NINL: variants seen among roughly 807,000 people sequenced by gnomAD.
NINL encodes ninein like.
A neutral mutation model predicts 160.3 loss-of-function variants in NINL; 153 were observed. That is an observed-to-expected ratio of 0.95 (90% CI 0.84 to 1.09). The LOEUF is 1.09. Among genes scored for constraint, NINL ranks in the 50% least tolerant of loss-of-function variants. The pLI is 0.00. For synonymous variants in NINL, 800 were observed against 734.8 expected, an observed-to-expected ratio of 1.09 and a Z score of -1.43; for missense variants, 1,829 against 1,764.0, an observed-to-expected ratio of 1.04 and a Z score of -0.66.
chr20:25,456,584 C>T (rs1057006651), intron 22 of NINL, among the ~76,000 whole-genome samples: 2 of 151,372 alleles, frequency 1.3e-5, no homozygotes, highest in African/African-American at 4.9e-5. Context: ...AAAAAGGTTA[C>T]AGGCAATATT....
chr20:25,569,292 C>A (rs371366004), intron 1 of NINL, among the ~76,000 whole-genome samples: 27 of 150,860 alleles, frequency 1.8e-4, no homozygotes, highest in African/African-American at 5.6e-4. Flanking sequence ...TAGAAAGATA[C>A]AACAGGAAAA....
intron 17 of NINL, among the ~76,000 whole-genome samples, chr20:25,474,975 G>T (rs62211494): frequency 0.22 from 33,973 of 151,808 alleles, 4,825 homozygotes; most frequent in Non-Finnish European, 0.31. Context: ...TAGAGATGGG[G>T]TTTCACCACG....
At chr20:25,520,806 C>T (rs2064250421) in intron 2 of NINL, among the ~76,000 whole-genome samples, 1 of 152,170 alleles carries the variant, frequency 6.6e-6, no homozygotes, top group Non-Finnish European at 1.5e-5. Context: ...CTCTAGCTTC[C>T]CTTTTAAAAT....
At chr20:25,524,222 G>C (rs994964065) in intron 2 of NINL, among the ~76,000 whole-genome samples, 4 of 152,224 alleles carry the variant, frequency 2.6e-5, no homozygotes. Flanking sequence ...CGAGGAGACA[G>C]GATGAAGGGA....
In NINL at chr20:25,550,935, A is replaced by AAGGTCTTTCCTTTCCCAC. The variant is rs1438182268; in HGVS notation, c.-11-24355_-11-24338dup. On this transcript the variant is annotated intron_variant, in intron 1 of 23. Coordinates refer to ENST00000278886, the MANE Select transcript of NINL (RefSeq NM_025176.6). Reference sequence around the variant, plus strand: ...TACAGGTGTCGGGCTGGGGGACGGTAAGGTCTTTCCTTTCCCACGAGGCCA... The same window carrying AAGGTCTTTCCTTTCCCAC: ...TACAGGTGTCGGGCTGGGGGACGGTAAGGTCTTTCCTTTCCCACAGGTCTTTCCTTTCCCACGAGGCCA... Among the ~76,000 whole-genome samples, 14 of 152,224 alleles carry AAGGTCTTTCCTTTCCCAC rather than the reference A, an allele frequency of 9.2e-5. 1 individual carries two copies. In the South Asian group the frequency reaches 2.9e-3, roughly 32 times the overall value.
chr20:25,549,061 C>T lies in NINL; in HGVS notation c.-11-22463G>A, dbSNP rs56224929. On this transcript the variant is annotated intron_variant, in intron 1 of 23. Transcript: ENST00000278886. ...ACACCCAGCCTCACCCAGGCCTGAC[C>T]CCGGCACCCACGGCCACACCTCCCA... Among the ~76,000 whole-genome samples, 1,269 of 134,262 alleles carry T rather than the reference C, an allele frequency of 9.5e-3. 10 individuals carry two copies. The highest frequency in any genetic ancestry group is 0.037 in the African/African-American group (1,173 of 31,448). 88.1% of individuals were successfully genotyped at this position (134,262 alleles called of 152,430 possible). A position where few individuals can be genotyped will look rare whatever the true frequency, so the allele number is the denominator to read the frequency against.
chr20:25,548,693 G>T (rs932384702), intron 1 of NINL, among the ~76,000 whole-genome samples: 7 of 143,032 alleles, frequency 4.9e-5, no homozygotes, highest in African/African-American at 1.6e-4. Context: ...CCCACACCCA[G>T]CCCCACCCGG....
At chr20:25,550,309 G>A (rs1428130275) in intron 1 of NINL, among the ~76,000 whole-genome samples, 1 of 152,242 alleles carries the variant, frequency 6.6e-6, no homozygotes, top group Non-Finnish European at 1.5e-5. Flanking sequence ...GAGAGGTTAA[G>A]GCTGTGGTGA....
At chr20:25,521,647 A>G (rs2064265775) in intron 2 of NINL, among the ~76,000 whole-genome samples, 1 of 152,230 alleles carries the variant, frequency 6.6e-6, no homozygotes, top group Non-Finnish European at 1.5e-5. Flanking sequence ...ACTGAGGGAT[A>G]TAAGACCAGA....
intron 15 of NINL, among the ~76,000 whole-genome samples, chr20:25,479,768 G>A: frequency 6.6e-6 from 1 of 152,204 alleles, no homozygotes. Context: ...TTCATCCAGG[G>A]TGGCCCTGGC....
chr20:25,476,803 G>T lies in NINL; in HGVS notation c.2488C>A (p.Pro830Thr), dbSNP rs374713970. 13 of 1,612,750 alleles carry T rather than the reference G, an allele frequency of 8.1e-6. No individual in the cohort carries two copies. The African/African-American group carries it at 1.6e-4, about 20-fold the overall frequency. ...CTTCCTGCCACCAGCCCATCTTTCGGCAGGGCCTGCATCTCTGCTTCCAGG... is the reference window on the plus strand; with the variant it reads ...CTTCCTGCCACCAGCCCATCTTTCGTCAGGGCCTGCATCTCTGCTTCCAGG... ...PSLEAEMQALPKDGLVAGSGQ... is the reference protein window; with the variant it reads ...PSLEAEMQALTKDGLVAGSGQ... Residue 830 changes from proline to threonine, a missense_variant, in exon 17 of 24, where the codon CCG (proline) becomes ACG (threonine). By Grantham distance (38) the Pro-to-Thr change is conservative. Transcript: ENST00000278886.
Position 25,477,034 on chromosome 20 carries a change from C to T in NINL, c.2257G>A (p.Ala753Thr), listed in dbSNP as rs377283535. 38 of 1,599,118 alleles carry T rather than the reference C, an allele frequency of 2.4e-5. No homozygotes were observed. Among genetic ancestry groups the T allele is most frequent in the Admixed American group, 1.3e-4 (8 of 59,942 alleles). The change falls in exon 17 of 24, where the codon GCT becomes ACT. Residue 753 changes from alanine to threonine, a missense_variant. Physicochemically the swap from Ala to Thr is moderately conservative, Grantham distance 58. Coordinates refer to ENST00000278886, the MANE Select transcript of NINL (RefSeq NM_025176.6). ...GELSGLGALP[A>T]RRDLTLELEE... ...AGCTCCAAGGTCAGGTCTCTGCGAGCGGGCAGGGCTCCCAGCCCCGACAGC... is the reference window on the plus strand; with the variant it reads ...AGCTCCAAGGTCAGGTCTCTGCGAGTGGGCAGGGCTCCCAGCCCCGACAGC...
At position 25,503,951 on chromosome 20, in the gene NINL, C is replaced by G. The variant is rs1358705939; in HGVS notation, c.861+1G>C. ...TTCAGGATTTAACTGTTGCATTTTA[C>G]CTGGTAATGAGACCAAGCCTTGCTC... On this transcript the variant is annotated splice_donor_variant, in intron 7 of 23. Transcript: ENST00000278886. LOFTEE classifies it high-confidence loss of function. The G allele has an allele frequency of 4.3e-6, 7 of 1,614,110 alleles. No individual in the cohort carries two copies. The highest frequency in any genetic ancestry group is 5.9e-6 in the Non-Finnish European group (7 of 1,179,990).
At chr20:25,511,781 C>T (rs1366674580) in intron 4 of NINL, among the ~76,000 whole-genome samples, 1 of 152,162 alleles carries the variant, frequency 6.6e-6, no homozygotes, top group East Asian at 1.9e-4. Flanking sequence ...ATGTCACATG[C>T]CCCTGAGAAA....
rs2062758335 is a variant in NINL at position 25,460,591 on chromosome 20, AAGGGTGCCTC to A, written c.3696+921_3696+930del. 5.3e-5 allele frequency among the ~76,000 whole-genome samples: 8 copies of A among 152,270 alleles called. No homozygotes were observed. The South Asian group carries it at 1.4e-3, about 28-fold the overall frequency. ...GTTCCTTTTAGACTCAAAAGTAGAG[AAGGGTGCCTC>A]AAATAGGCAGAGCACCTCTGGAAAA... On this transcript the variant is annotated intron_variant, in intron 21 of 23. Transcript: ENST00000278886.
chr20:25,477,439 G>A (rs1271872509), intron 16 of NINL, among the ~76,000 whole-genome samples: 1 of 152,238 alleles, frequency 6.6e-6, no homozygotes, highest in East Asian at 1.9e-4. Context: ...AACTGGACAG[G>A]GCAGACATAC....
At chr20:25,456,241 C>CAAAAAAA (rs34657031) in intron 22 of NINL, among the ~76,000 whole-genome samples, 4 of 40,694 alleles carry the variant, frequency 9.8e-5, no homozygotes, top group African/African-American at 3.1e-4. Flanking sequence ...GACTCCATCT[C>CAAAAAAA]AAAAAAAAAA....
intron 1 of NINL, among the ~76,000 whole-genome samples, chr20:25,550,086 T>TA (rs2064788219): frequency 6.6e-6 from 1 of 152,110 alleles, no homozygotes; most frequent in Non-Finnish European, 1.5e-5. Context: ...TACGTTTACT[T>TA]AAAGAAAAAA....
chr20:25,536,697 C>A (rs182649719), intron 1 of NINL, among the ~76,000 whole-genome samples: 9 of 150,458 alleles, frequency 6.0e-5, no homozygotes, highest in Non-Finnish European at 8.8e-5. Context: ...CCAGCCTGGG[C>A]GATAGAGTAA....
Sources: gnomAD v4.1 joint callset for allele counts (sites outside exome capture counted in the v4.1 genomes callset) on GRCh38, gnomAD v4.1.1 for gene constraint, MANE v1.5 for transcripts, NCBI Gene and HGNC (gene_info 2026-07-23, HGNC 2026-07-21) for gene names.